Variants in HGSNAT observed in about 807,000 individuals in gnomAD.
The protein encoded by HGSNAT is transmembrane protein 76.
A neutral mutation model predicts 85.2 loss-of-function variants in HGSNAT; 59 were observed. The ratio of observed to expected loss-of-function variants is 0.69; its 90% CI spans 0.56 to 0.86. HGSNAT has a LOEUF of 0.86. HGSNAT is among the 40% of genes least tolerant of loss of function. The probability of loss-of-function intolerance (pLI) is 0.00; values close to 1 mark genes in which losing one functional copy is unlikely to be tolerated. For synonymous variants in HGSNAT, 321 were observed against 304.5 expected, an observed-to-expected ratio of 1.05 and a Z score of -0.56; for missense variants, 756 against 777.1, an observed-to-expected ratio of 0.97 and a Z score of 0.32.
intron 2 of HGSNAT, among the ~76,000 whole-genome samples, chr8:43,157,891 G>A (rs905880249): frequency 6.6e-6 from 1 of 152,020 alleles, no homozygotes; most frequent in African/African-American, 2.4e-5. Flanking sequence ...TTTGAAACCA[G>A]CCTAAATACT....
intron 1 of HGSNAT, among the ~76,000 whole-genome samples, chr8:43,146,282 A>G (rs1802707947): frequency 6.6e-6 from 1 of 152,204 alleles, no homozygotes; most frequent in South Asian, 2.1e-4. Flanking sequence ...CCAAACTCCA[A>G]AACAAAGTGA....
chr8:43,194,026 G>T, intron 14 of HGSNAT, 183 bp downstream of exon 14: 1 of 1,358,886 alleles, frequency 7.4e-7, no homozygotes, highest in South Asian at 1.9e-5. Context: ...GCACATTCAA[G>T]TAATTAGATA....
At chr8:43,155,091 A>T (rs1306810086) in intron 2 of HGSNAT, among the ~76,000 whole-genome samples, 1 of 152,244 alleles carries the variant, frequency 6.6e-6, no homozygotes, top group Non-Finnish European at 1.5e-5. Flanking sequence ...TTTTGGATCT[A>T]TACCCAGTAG....
At chr8:43,193,972 T>C (rs758791077) in intron 14 of HGSNAT, 129 bp downstream of exon 14, 77 of 1,459,390 alleles carry the variant, frequency 5.3e-5, no homozygotes, top group Non-Finnish European at 6.9e-5. Context: ...ATATATTCTG[T>C]TATCTTTGAC....
chr8:43,181,927 T>G, intron 10 of HGSNAT: 1 of 552,462 alleles, frequency 1.8e-6, no homozygotes, highest in East Asian at 2.9e-5. Context: ...GCCATGTCCC[T>G]GACTGACCCT....
At chr8:43,141,301 G>C (rs1247607748) in intron 1 of HGSNAT, among the ~76,000 whole-genome samples, 2 of 152,236 alleles carry the variant, frequency 1.3e-5, no homozygotes, top group South Asian at 2.1e-4. Context: ...CGCCGCCGCC[G>C]CCGCCGCCGC....
In HGSNAT at chr8:43,196,942, C is replaced by T; in HGVS notation, c.1465-6C>T. On this transcript the variant is annotated splice_polypyrimidine_tract_variant and splice_region_variant and intron_variant, in intron 14 of 17. Transcript: ENST00000379644. ...TCTTTTGGTCACACTGTGTTATCTC[C>T]TCCAGGCAGGAAAAATACTATTGTA... 1.3e-6 allele frequency: 2 copies of T among 1,582,990 alleles called. No individual in the cohort carries two copies. Among genetic ancestry groups the T allele is most frequent in the South Asian group, 1.1e-5 (1 of 90,164 alleles).
In HGSNAT at chr8:43,169,102, A is replaced by G. The variant is rs546298041; in HGVS notation, c.564-71A>G. The G allele has an allele frequency of 1.4e-5, 11 of 788,684 alleles. No homozygotes were observed. The South Asian group carries it at 2.0e-4, about 14-fold the overall frequency. 48.9% of individuals were successfully genotyped at this position (788,684 alleles called of 1,614,324 possible). A position where few individuals can be genotyped will look rare whatever the true frequency, so the allele number is the denominator to read the frequency against. On this transcript the variant is annotated intron_variant, in intron 5 of 17. Transcript: ENST00000379644. ...GAATATGAGCTTTAATTTTATTTCC[A>G]TATAATATCCAATCATTTAAAAAAT... is the stretch of plus-strand genomic sequence containing the variant.
chr8:43,141,484 C>T (rs925827760), intron 1 of HGSNAT, among the ~76,000 whole-genome samples: 2 of 152,174 alleles, frequency 1.3e-5, no homozygotes, highest in African/African-American at 4.8e-5. Context: ...CATCTAGACC[C>T]CTGCACCGGG....
At chr8:43,197,980 C>A in intron 17 of HGSNAT, 28 bp downstream of exon 17, 1 of 1,516,652 alleles carries the variant, frequency 6.6e-7, no homozygotes, top group South Asian at 1.1e-5. Context: ...TCAAACAGAG[C>A]TGGGATGGTG....
At chr8:43,173,649 A>G in intron 8 of HGSNAT, 64 bp from the exon 9 acceptor site, 1 of 1,546,452 alleles carries the variant, frequency 6.5e-7, no homozygotes, top group Non-Finnish European at 8.9e-7. Context: ...TGAAGTCCAC[A>G]CTAGATTTAG....
chr8:43,191,618 T>C, intron 12 of HGSNAT, 23 bp downstream of exon 12: 1 of 1,612,404 alleles, frequency 6.2e-7, no homozygotes, highest in Non-Finnish European at 8.5e-7. Flanking sequence ...CTGGGGGTCA[T>C]CCCTTGTGCA....
At chr8:43,148,894 G>A (rs1802801556) in intron 2 of HGSNAT, among the ~76,000 whole-genome samples, 1 of 151,378 alleles carries the variant, frequency 6.6e-6, no homozygotes, top group Admixed American at 6.6e-5. Flanking sequence ...CTAGTGGGCA[G>A]ATCATGAGGT....
intron 11 of HGSNAT, among the ~76,000 whole-genome samples, chr8:43,188,284 CA>C (rs1804394855): frequency 6.6e-6 from 1 of 152,230 alleles, no homozygotes; most frequent in Non-Finnish European, 1.5e-5. Context: ...GTACACCAAT[CA>C]GACACAGATT....
chr8:43,193,257 C>T (rs774251658), intron 13 of HGSNAT, among the ~76,000 whole-genome samples: 2 of 152,068 alleles, frequency 1.3e-5, no homozygotes, highest in Non-Finnish European at 2.9e-5. Context: ...TGTGACAGCA[C>T]CTAATTACAC....
At chr8:43,172,894 A>T (rs1803676400) in intron 8 of HGSNAT, among the ~76,000 whole-genome samples, 1 of 152,148 alleles carries the variant, frequency 6.6e-6, no homozygotes. Flanking sequence ...ACATATTTCT[A>T]GTTTGGTTTT....
chr8:43,185,881 A>G (rs1427470925), intron 11 of HGSNAT, among the ~76,000 whole-genome samples: 2 of 152,232 alleles, frequency 1.3e-5, no homozygotes, highest in Non-Finnish European at 2.9e-5. Flanking sequence ...CCTTTTCTGC[A>G]TCTATTGAGA....
At chr8:43,141,965 T>G (rs930702833) in intron 1 of HGSNAT, among the ~76,000 whole-genome samples, 6 of 152,192 alleles carry the variant, frequency 3.9e-5, no homozygotes, top group African/African-American at 1.4e-4. Flanking sequence ...GAAGCCGCGT[T>G]GGGACCGCAA....
rs181303778 is a variant in HGSNAT at position 43,159,391 on chromosome 8, G to A, written c.493+347G>A. On this transcript the variant is annotated intron_variant, in intron 4 of 17. Transcript: ENST00000379644. ...TCACTCGAGCTCACAAGTTTGAGAC[G>A]AGCCTGGGTGATGTGGTAAAACCCC... 4.6e-5 allele frequency among the ~76,000 whole-genome samples: 7 copies of A among 152,186 alleles called. No individual in the cohort carries two copies. In the East Asian group the frequency reaches 5.8e-4, roughly 13 times the overall value.
Sources: allele counts gnomAD v4.1 joint callset (sites outside exome capture counted in the v4.1 genomes callset), GRCh38; gene constraint gnomAD v4.1.1; transcripts MANE v1.5; gene names NCBI Gene and HGNC (gene_info 2026-07-23, HGNC 2026-07-21).